Variants in NAV3 observed in about 807,000 individuals in gnomAD.
NAV3 encodes pore membrane and/or filament interacting like protein 1.
In NAV3, 87 loss-of-function variants were observed where a neutral mutation model predicts 244.7. The observed-to-expected ratio is 0.36, with a 90% CI of 0.30 to 0.42. The LOEUF is 0.42. Among genes scored for constraint, NAV3 ranks in the 20% least tolerant of loss-of-function variants. The pLI is 1.00. For synonymous variants in NAV3, 1,126 were observed against 1,042.2 expected, an observed-to-expected ratio of 1.08 and a Z score of -1.55; for missense variants, 2,663 against 2,893.3, an observed-to-expected ratio of 0.92 and a Z score of 1.83.
At chr12:77,671,829 C>T (rs1336421406) in intron 2 of NAV3, among the ~76,000 whole-genome samples, 1 of 152,066 alleles carries the variant, frequency 6.6e-6, no homozygotes, top group Non-Finnish European at 1.5e-5. Flanking sequence ...CAGAAAAACC[C>T]TTCTAGATAC....
At chr12:78,002,496 A>G (rs10506765) in intron 7 of NAV3, among the ~76,000 whole-genome samples, 2 of 151,976 alleles carry the variant, frequency 1.3e-5, no homozygotes, top group Non-Finnish European at 2.9e-5. Context: ...TTTTAATTCA[A>G]CATTATACAG....
intron 21 of NAV3, 36 bp from the exon 22 acceptor site, chr12:78,148,806 C>G (rs755989470): frequency 6.4e-7 from 1 of 1,562,174 alleles, no homozygotes. Flanking sequence ...TAAAAATCTA[C>G]TTGCCTATTC....
At chr12:77,594,013 A>T (rs1375166262) in intron 2 of NAV3, among the ~76,000 whole-genome samples, 1 of 152,098 alleles carries the variant, frequency 6.6e-6, no homozygotes, top group East Asian at 1.9e-4. Context: ...TACTTAATAT[A>T]TATTCGTTCT....
intron 18 of NAV3, among the ~76,000 whole-genome samples, chr12:78,129,416 C>A (rs1014900589): frequency 6.6e-5 from 10 of 152,052 alleles, no homozygotes; most frequent in Non-Finnish European, 1.3e-4. Context: ...AAAATTCATA[C>A]AAGAATTTCT....
At chr12:77,661,103 G>C (rs188882093) in intron 2 of NAV3, among the ~76,000 whole-genome samples, 1 of 152,150 alleles carries the variant, frequency 6.6e-6, no homozygotes, top group Admixed American at 6.5e-5. Flanking sequence ...ATTTTTTCTG[G>C]AGAGAGATTG....
intron 2 of NAV3, among the ~76,000 whole-genome samples, chr12:77,638,324 C>T (rs1367963410): frequency 1.3e-5 from 2 of 151,750 alleles, no homozygotes; most frequent in Non-Finnish European, 2.9e-5. Flanking sequence ...ATCTTACCAC[C>T]CTGAAGAAAG....
chr12:77,775,302 A>G (rs1592671225), intron 2 of NAV3, among the ~76,000 whole-genome samples: 2 of 151,894 alleles, frequency 1.3e-5, no homozygotes, highest in South Asian at 4.2e-4. Context: ...TGAGGCACGA[A>G]AATTGCTTGA....
intron 2 of NAV3, among the ~76,000 whole-genome samples, chr12:77,816,456 T>C (rs1592708325): frequency 6.6e-6 from 1 of 152,206 alleles, no homozygotes; most frequent in Non-Finnish European, 1.5e-5. Context: ...TCTCTTTCCT[T>C]TGAGTTAATT....
chr12:78,045,332 A>G (rs1182020058), intron 9 of NAV3, among the ~76,000 whole-genome samples: 1 of 151,988 alleles, frequency 6.6e-6, no homozygotes, highest in East Asian at 1.9e-4. Context: ...GTCTTGCTCC[A>G]TCACACCGGC....
At chr12:78,067,415 G>C (rs1885146245) in intron 12 of NAV3, among the ~76,000 whole-genome samples, 1 of 152,074 alleles carries the variant, frequency 6.6e-6, no homozygotes, top group African/African-American at 2.4e-5. Flanking sequence ...TGGAAAAACT[G>C]TTATTGATGC....
At position 78,179,672 on chromosome 12, in the gene NAV3, A is replaced by C. The variant is rs1958416093; in HGVS notation, c.5507A>C (p.Asn1836Thr). 5.6e-6 allele frequency: 9 copies of C among 1,612,044 alleles called. No homozygotes were observed. Among genetic ancestry groups the C allele is most frequent in the Non-Finnish European group, 7.6e-6 (9 of 1,178,886 alleles). ...HHLDQIREAM[N>T]RMQNEIEILK... The stretch of plus-strand genomic sequence containing the variant: ...CTTGATCAGATCCGGGAAGCCATGA[A>C]CCGGATGCAGGTTGGTACTGAAGCA... The change falls in exon 29 of 40, where the codon AAC becomes ACC. Residue 1836 changes from asparagine (N) to threonine (T), a missense_variant. Asn to Thr is a moderately conservative substitution (Grantham distance 65). Around this residue, in one of 6 missense-constraint regions of NAV3, gnomAD observed 543 missense variants for 672.4 expected, o/e 0.81. Coordinates refer to ENST00000397909, the MANE Select transcript of NAV3 (RefSeq NM_001024383.2).
chr12:77,702,646 G>T (rs1304186884), intron 2 of NAV3, among the ~76,000 whole-genome samples: 2 of 151,680 alleles, frequency 1.3e-5, no homozygotes, highest in Admixed American at 6.6e-5. Flanking sequence ...TCTGCTTATG[G>T]TTAATATTAT....
At chr12:77,764,001 G>T (rs1442190622) in intron 2 of NAV3, among the ~76,000 whole-genome samples, 1 of 152,172 alleles carries the variant, frequency 6.6e-6, no homozygotes, top group Admixed American at 6.5e-5. Flanking sequence ...TCGTTTTCCT[G>T]GTTGTGAAGG....
intron 5 of NAV3, among the ~76,000 whole-genome samples, chr12:77,992,853 T>A (rs933146974): frequency 1.4e-4 from 21 of 152,112 alleles, no homozygotes; most frequent in African/African-American, 5.1e-4. Flanking sequence ...GGTCTATGAA[T>A]AGGAGAGGCT....
chr12:78,198,786 C>T (rs1594019271), intron 36 of NAV3, 110 bp downstream of exon 36: 1 of 756,624 alleles, frequency 1.3e-6, no homozygotes. Flanking sequence ...GTTTGTTTTT[C>T]CATTTGTACT....
In NAV3 at chr12:78,119,497, G is replaced by T. The variant is rs1394531901; in HGVS notation, c.3301G>T (p.Ala1101Ser). ...ACTGGGTAAAATTCCAAAATCTGCT[G>T]CCATTGGCGGGAAGTCAAATGCAGG... ...ATLGKIPKSA[A>S]IGGKSNAGRK... The change falls in exon 15 of 40, where the codon GCC (alanine) becomes TCC (serine). Residue 1101 changes from alanine to serine, a missense_variant. By Grantham distance (99) the Ala-to-Ser change is moderately conservative. This residue lies in a region of NAV3 where 1,521 missense variants were observed against 1,497.0 expected (regional missense o/e 1.02). Transcript: ENST00000397909. The T allele has an allele frequency of 6.2e-7, 1 of 1,614,096 alleles. No individual in the cohort carries two copies. Among genetic ancestry groups the T allele is most frequent in the Non-Finnish European group, 8.5e-7 (1 of 1,180,038 alleles).
intron 2 of NAV3, among the ~76,000 whole-genome samples, chr12:77,606,281 T>G (rs889592125): frequency 6.6e-6 from 1 of 152,168 alleles, no homozygotes; most frequent in Non-Finnish European, 1.5e-5. Flanking sequence ...CACAGTCATT[T>G]AATGCTGAAT....
chr12:78,083,929 C>G (rs1198058807), intron 12 of NAV3, among the ~76,000 whole-genome samples: 2 of 152,152 alleles, frequency 1.3e-5, no homozygotes, highest in Non-Finnish European at 1.5e-5. Context: ...GATATTTTTT[C>G]TACTCCACTG....
intron 2 of NAV3, among the ~76,000 whole-genome samples, chr12:77,576,707 A>G (rs1402380981): frequency 1.3e-5 from 2 of 152,086 alleles, no homozygotes; most frequent in African/African-American, 4.8e-5. Flanking sequence ...TTTATGTTGG[A>G]AACTAATTAA....
Sources: allele counts gnomAD v4.1 joint callset (sites outside exome capture counted in the v4.1 genomes callset), GRCh38; gene constraint gnomAD v4.1.1; regional missense constraint gnomAD v4.1.1; transcripts MANE v1.5; gene names NCBI Gene and HGNC (gene_info 2026-07-23, HGNC 2026-07-21).